The following TMC1 variants were observed in gnomAD, a reference collection of about 807,000 sequenced individuals.
TMC1 encodes transmembrane channel like 1.
In TMC1, 84 loss-of-function variants were observed where a neutral mutation model predicts 105.8. That is an observed-to-expected ratio of 0.79 (90% CI 0.67 to 0.95). TMC1 has a LOEUF of 0.95. Ranked by LOEUF, TMC1 falls within the 40% of genes least tolerant of loss-of-function variation. The pLI, the probability that TMC1 is intolerant of heterozygous loss-of-function variation, is 0.00. For synonymous variants in TMC1, 315 were observed against 311.5 expected (o/e 1.01, Z -0.12); for missense variants, 817 against 914.1 (o/e 0.89, Z 1.37).
At chr9:72,739,484 T>G (rs1827353350) in intron 8 of TMC1, among the ~76,000 whole-genome samples, 1 of 152,242 alleles carries the variant, frequency 6.6e-6, no homozygotes, top group Non-Finnish European at 1.5e-5. Context: ...CCAAAGAAAC[T>G]AATGCAACTG....
At chr9:72,688,819 T>C in intron 6 of TMC1, 63 bp downstream of exon 6, 1 of 1,394,242 alleles carries the variant, frequency 7.2e-7, no homozygotes, top group Non-Finnish European at 1.0e-6. Flanking sequence ...TCAAAGAATT[T>C]ATCCTCTTGT....
intron 13 of TMC1, among the ~76,000 whole-genome samples, chr9:72,777,470 G>A (rs1175012213): frequency 6.6e-6 from 1 of 152,162 alleles, no homozygotes; most frequent in Non-Finnish European, 1.5e-5. Context: ...CCTAGAGAAA[G>A]TTATGGAAGG....
chr9:72,711,945 A>G (rs539183161), intron 8 of TMC1, among the ~76,000 whole-genome samples: 2 of 152,310 alleles, frequency 1.3e-5, no homozygotes, highest in Middle Eastern at 3.4e-3. Flanking sequence ...TAATTTTTGT[A>G]TAAGGTGTAA....
chr9:72,607,002 TAG>T (rs57741839), intron 2 of TMC1, among the ~76,000 whole-genome samples: 105 of 134,940 alleles, frequency 7.8e-4, no homozygotes, highest in African/African-American at 2.0e-3. Flanking sequence ...TATATATATA[TAG>T]AGAGAGAGAG....
chr9:72,633,021 T>A (rs1379363970), intron 4 of TMC1, among the ~76,000 whole-genome samples: 5 of 149,522 alleles, frequency 3.3e-5, no homozygotes. Flanking sequence ...AAAAAAAAAA[T>A]AAGATAAATG....
intron 13 of TMC1, among the ~76,000 whole-genome samples, chr9:72,785,072 A>G (rs1233205438): frequency 6.6e-6 from 1 of 152,242 alleles, no homozygotes; most frequent in Non-Finnish European, 1.5e-5. Context: ...CAACCTGCAC[A>G]TGCATTCCCT....
At chr9:72,562,031 T>C (rs1399645880) in intron 1 of TMC1, among the ~76,000 whole-genome samples, 1 of 152,104 alleles carries the variant, frequency 6.6e-6, no homozygotes, top group Non-Finnish European at 1.5e-5. Flanking sequence ...AAATTAAAAT[T>C]TTAACACAAG....
chr9:72,743,214 A>C (rs1334395862), intron 10 of TMC1, among the ~76,000 whole-genome samples: 1 of 151,356 alleles, frequency 6.6e-6, no homozygotes, highest in Admixed American at 6.6e-5. Context: ...AAAAATACAA[A>C]AAATTAGCCG....
chr9:72,711,655 A>T (rs953247990), intron 8 of TMC1, among the ~76,000 whole-genome samples: 3 of 152,104 alleles, frequency 2.0e-5, no homozygotes, highest in Non-Finnish European at 4.4e-5. Context: ...TTCTTTGTAG[A>T]TTCTGGATAT....
At chr9:72,685,148 C>T (rs1411638602) in intron 5 of TMC1, among the ~76,000 whole-genome samples, 5 of 138,218 alleles carry the variant, frequency 3.6e-5, no homozygotes, top group Non-Finnish European at 6.0e-5. Context: ...GCTCTTTCGC[C>T]CAGGCCAGAG....
At chr9:72,761,789 C>A (rs866902505) in intron 12 of TMC1, among the ~76,000 whole-genome samples, 7 of 152,192 alleles carry the variant, frequency 4.6e-5, no homozygotes, top group African/African-American at 1.7e-4. Flanking sequence ...GTAAAGGTGT[C>A]TTCTCTCAAA....
chr9:72,801,878 ATCT>A (rs940796068), intron 17 of TMC1, among the ~76,000 whole-genome samples: 2 of 152,198 alleles, frequency 1.3e-5, no homozygotes, highest in African/African-American at 4.8e-5. Context: ...CAATGTTTGA[ATCT>A]TCTTCAGATA....
intron 2 of TMC1, among the ~76,000 whole-genome samples, chr9:72,582,084 A>C (rs1824485144): frequency 6.6e-6 from 1 of 152,172 alleles, no homozygotes; most frequent in South Asian, 2.1e-4. Flanking sequence ...CAGCCTCCCG[A>C]GTAGCTGGGA....
chr9:72,659,399 C>T (rs1372097615), intron 5 of TMC1, among the ~76,000 whole-genome samples: 1 of 152,086 alleles, frequency 6.6e-6, no homozygotes, highest in Non-Finnish European at 1.5e-5. Context: ...CTTTGAGAGG[C>T]CAAGGTGGGC....
In TMC1 at chr9:72,820,878, C is replaced by T. The variant is rs1489235333; in HGVS notation, c.1800C>T (p.Ile600=). Reference sequence around the variant, plus strand: ...TCTTTGCTCCCAGCCTCCCAGGCATCAATATCCTTCGACTCCATACATCCA... The same window carrying T: ...TCTTTGCTCCCAGCCTCCCAGGCATTAATATCCTTCGACTCCATACATCCA... ...GSFFAPSLPG[I]NILRLHTSMY... Residue 600 remains isoleucine, a synonymous_variant, in exon 20 of 24, where the codon ATC becomes ATT. Transcript: ENST00000297784. 1.1e-5 allele frequency: 18 copies of T among 1,614,046 alleles called. No homozygotes were observed. Among genetic ancestry groups the T allele is most frequent in the Admixed American group, 5.0e-5 (3 of 60,000 alleles).
rs1247618791 is a variant in TMC1, at chr9:72,838,170, C to T, written c.*2197C>T. 1 of 152,212 alleles carries T rather than the reference C, an allele frequency of 6.6e-6. No individual in the cohort carries two copies. Among genetic ancestry groups the T allele is most frequent in the African/African-American group, 2.4e-5 (1 of 41,462 alleles). 9.4% of individuals were successfully genotyped at this position (152,212 alleles called of 1,614,324 possible). ...CAATTGTGTTATGAGACAAAAACTT[C>T]TGTTACCTGCATGAAAACATTTTAC... On this transcript the variant is annotated 3_prime_UTR_variant, in exon 24 of 24. Transcript: ENST00000297784.
intron 2 of TMC1, among the ~76,000 whole-genome samples, chr9:72,615,830 T>C (rs941242124): frequency 6.6e-6 from 1 of 151,718 alleles, no homozygotes; most frequent in Admixed American, 6.6e-5. Flanking sequence ...CTTGGCTCAC[T>C]GCAACCTCTG....
At chr9:72,645,148 T>C (rs944520569) in intron 4 of TMC1, among the ~76,000 whole-genome samples, 1 of 152,180 alleles carries the variant, frequency 6.6e-6, no homozygotes, top group Non-Finnish European at 1.5e-5. Flanking sequence ...CTTGTTTGTG[T>C]CTTAATTGAA....
At position 72,584,268 on chromosome 9, in the gene TMC1, T is replaced by TC. The variant is rs1491433264; in HGVS notation, c.-306+6245_-306+6246insC. ...CATGAAGAAAGCATAATGTCACTAC[T>TC]TTTTTTTTTTTTTTTGAGACAGGGT... On this transcript the variant is annotated intron_variant, in intron 2 of 23. Coordinates refer to ENST00000297784, the MANE Select transcript of TMC1 (RefSeq NM_138691.3). Among the ~76,000 whole-genome samples the TC allele has an allele frequency of 6.7e-5, 3 of 44,794 alleles. No individual in the cohort carries two copies. In the African/African-American group the frequency reaches 1.1e-3, roughly 16 times the overall value. The allele number at this position is 44,794 out of a possible 152,430, so 29.4% of individuals were successfully genotyped here. A position where few individuals can be genotyped will look rare whatever the true frequency, so the allele number is the denominator to read the frequency against.
Sources: gnomAD v4.1 joint callset for allele counts (sites outside exome capture counted in the v4.1 genomes callset) on GRCh38, gnomAD v4.1.1 for gene constraint, MANE v1.5 for transcripts, NCBI Gene and HGNC (gene_info 2026-07-23, HGNC 2026-07-21) for gene names.